AK3: variants seen among roughly 807,000 people sequenced by gnomAD.
AK3 encodes adenylate kinase 3.
In AK3, 27 loss-of-function variants were observed where a neutral mutation model predicts 23.7. That is an observed-to-expected ratio of 1.14 (90% CI 0.84 to 1.57). The LOEUF (loss-of-function observed/expected upper bound fraction) is 1.57, where lower values mean the gene tolerates loss of function less well. Ranked by LOEUF, AK3 falls within the 40% of genes most tolerant of loss-of-function variation. The pLI, the probability that AK3 is intolerant of heterozygous loss-of-function variation, is 0.00. For missense variants in AK3, 406 were observed against 285.6 expected (o/e 1.42, Z -3.04); for synonymous variants, 159 against 116.0 (o/e 1.37, Z -2.38).
intron 1 of AK3, among the ~76,000 whole-genome samples, chr9:4,734,283 G>C (rs968546803): frequency 1.3e-5 from 2 of 152,102 alleles, no homozygotes; most frequent in Non-Finnish European, 2.9e-5. Context: ...CCAGTGCCTT[G>C]GTCTTGTACT....
Position 4,722,548 on chromosome 9 carries a change from G to C in AK3, c.229C>G (p.His77Asp). The change falls in exon 2 of 5, where the codon CAT becomes GAT. Residue 77 changes from histidine (H) to aspartate (D), a missense_variant. Physicochemically the swap from His to Asp is moderately conservative, Grantham distance 81 (BLOSUM62 -1). Coordinates refer to ENST00000381809, the MANE Select transcript of AK3 (RefSeq NM_016282.4). ...PDDVMTRLALHELKNLTQYSW... is the reference protein window; with the variant it reads ...PDDVMTRLALDELKNLTQYSW... Reference sequence around the variant, plus strand: ...TACTGGGTGAGATTTTTCAGCTCATGAAGGGCCAGCCGAGTCATGACATCA... The same window carrying C: ...TACTGGGTGAGATTTTTCAGCTCATCAAGGGCCAGCCGAGTCATGACATCA... 6.2e-7 allele frequency: 1 copy of C among 1,614,216 alleles called. No homozygotes were observed. Among genetic ancestry groups the C allele is most frequent in the South Asian group, 1.1e-5 (1 of 91,086 alleles).
intron 2 of AK3, among the ~76,000 whole-genome samples, chr9:4,720,366 G>A (rs973231738): frequency 6.6e-6 from 1 of 152,090 alleles, no homozygotes; most frequent in African/African-American, 2.4e-5. Context: ...ATTAAAATTA[G>A]TAGAAATAAT....
chr9:4,713,164 C>A, intron 4 of AK3, 68 bp from the exon 5 acceptor site: 1 of 1,567,080 alleles, frequency 6.4e-7, no homozygotes, highest in Non-Finnish European at 8.6e-7. Context: ...TCTTTCAAAG[C>A]CTTTCTGTAA....
At chr9:4,738,211 G>C (rs539108077) in intron 1 of AK3, among the ~76,000 whole-genome samples, 33 of 152,202 alleles carry the variant, frequency 2.2e-4, no homozygotes, top group African/African-American at 7.7e-4. Context: ...TTTCACCTAG[G>C]CTGGAATGCA....
At chr9:4,739,527 A>G (rs114671869) in intron 1 of AK3, among the ~76,000 whole-genome samples, 5,546 of 151,372 alleles carry the variant, frequency 0.037, 378 homozygotes, top group African/African-American at 0.13. Context: ...CTACAAAAAC[A>G]GAATGAAATG....
At chr9:4,732,544 A>T (rs1371031850) in intron 1 of AK3, among the ~76,000 whole-genome samples, 1 of 152,056 alleles carries the variant, frequency 6.6e-6, no homozygotes, top group East Asian at 1.9e-4. Context: ...GCAGTTTAAA[A>T]GTAAATTATT....
rs757280003 is a variant in AK3, at chr9:4,722,652, G to GT, written c.152-28dup. The GT allele has an allele frequency of 4.3e-6, 7 of 1,613,932 alleles. No homozygotes were observed. The African/African-American group carries it at 9.3e-5, about 22-fold the overall frequency. On this transcript the variant is annotated intron_variant, in intron 1 of 4. Coordinates refer to ENST00000381809, the MANE Select transcript of AK3 (RefSeq NM_016282.4). ...TACAGCAAAGCGGGGAAAAAAATCA[G>GT]TAAGTGCATTTGTTTTATCCCATTC...
At chr9:4,724,998 G>A (rs192927130) in intron 1 of AK3, among the ~76,000 whole-genome samples, 9 of 149,396 alleles carry the variant, frequency 6.0e-5, no homozygotes, top group African/African-American at 1.7e-4. Context: ...AAACCTAAAT[G>A]TAAGTGCTAA....
intron 4 of AK3, among the ~76,000 whole-genome samples, chr9:4,716,530 G>A (rs983140886): frequency 5.9e-5 from 9 of 152,264 alleles, no homozygotes; most frequent in East Asian, 3.9e-4. Flanking sequence ...CAAAAGAGAC[G>A]GTAATTTTCA....
intron 3 of AK3, 54 bp downstream of exon 3, chr9:4,719,081 G>A: frequency 6.3e-7 from 1 of 1,593,438 alleles, no homozygotes; most frequent in Non-Finnish European, 8.6e-7. Context: ...GTCTGTTAGG[G>A]CAAGAGGACT....
At chr9:4,728,322 G>A (rs1412451436) in intron 1 of AK3, among the ~76,000 whole-genome samples, 1 of 152,184 alleles carries the variant, frequency 6.6e-6, no homozygotes, top group African/African-American at 2.4e-5. Context: ...TGTAATCCCG[G>A]CACTTTGGGA....
At chr9:4,733,445 G>T (rs755573249) in intron 1 of AK3, among the ~76,000 whole-genome samples, 1 of 152,190 alleles carries the variant, frequency 6.6e-6, no homozygotes, top group Non-Finnish European at 1.5e-5. Context: ...CAAAGTCCTT[G>T]TTTCTCTCTG....
rs755030816 is a variant in AK3, at chr9:4,719,158, C to T, written c.421G>A (p.Glu141Lys). The T allele has an allele frequency of 6.2e-7, 1 of 1,611,818 alleles. No individual in the cohort carries two copies. Among genetic ancestry groups the T allele is most frequent in the Admixed American group, 1.7e-5 (1 of 59,998 alleles). ...ACCACAGTTTTGGGAGGGTTGAATTCAATGTTATAGACTCGGCCACTGGCG... is the reference window on the plus strand; with the variant it reads ...ACCACAGTTTTGGGAGGGTTGAATTTAATGTTATAGACTCGGCCACTGGCG... ...HPASGRVYNI[E>K]FNPPKTVGID... Residue 141 changes from glutamate (E) to lysine (K), a missense_variant, in exon 3 of 5, where the codon GAA becomes AAA. Transcript: ENST00000381809.
intron 2 of AK3, among the ~76,000 whole-genome samples, chr9:4,720,410 A>G (rs534257105): frequency 7.2e-5 from 11 of 152,282 alleles, no homozygotes; most frequent in Non-Finnish European, 4.4e-5. Flanking sequence ...TAGGCCACAC[A>G]TGGTGGCTCA....
intron 1 of AK3, among the ~76,000 whole-genome samples, chr9:4,733,011 A>AT (rs893526067): frequency 1.5e-3 from 222 of 150,018 alleles, no homozygotes; most frequent in East Asian, 3.9e-3. Flanking sequence ...TGCCTGGCTA[A>AT]TTTTTTTTTT....
chr9:4,729,015 A>ATATATTT (rs71326127), intron 1 of AK3, among the ~76,000 whole-genome samples: 7 of 129,434 alleles, frequency 5.4e-5, no homozygotes, highest in East Asian at 2.4e-4. Flanking sequence ...ATATATATAT[A>ATATATTT]TTTTTTTTTT....
intron 4 of AK3, among the ~76,000 whole-genome samples, chr9:4,716,996 A>G (rs1484440017): frequency 6.6e-6 from 1 of 152,204 alleles, no homozygotes; most frequent in Non-Finnish European, 1.5e-5. Context: ...TACATACGCT[A>G]TTACAACAAC....
intron 1 of AK3, among the ~76,000 whole-genome samples, chr9:4,730,270 A>G (rs1403597072): frequency 6.6e-6 from 1 of 152,208 alleles, no homozygotes; most frequent in Admixed American, 6.5e-5. Context: ...TGGTTGCACA[A>G]CTTTGGATAT....
intron 1 of AK3, among the ~76,000 whole-genome samples, chr9:4,739,768 A>C (rs1296950680): frequency 6.6e-6 from 1 of 152,066 alleles, no homozygotes; most frequent in Non-Finnish European, 1.5e-5. Flanking sequence ...CATCGCTACT[A>C]AAAATACAAA....
Sources: gnomAD v4.1 joint callset for allele counts (sites outside exome capture counted in the v4.1 genomes callset) on GRCh38, gnomAD v4.1.1 for gene constraint, MANE v1.5 for transcripts, NCBI Gene and HGNC (gene_info 2026-07-23, HGNC 2026-07-21) for gene names.